The following WDR48 variants were observed in gnomAD, a reference collection of about 807,000 sequenced individuals.
The protein encoded by WDR48 is WD repeat domain 48, also known as WD repeat-containing protein 48.
A neutral mutation model predicts 94.0 loss-of-function variants in WDR48; 22 were observed. That is an observed-to-expected ratio of 0.23 (90% confidence interval 0.17 to 0.33). WDR48 has a LOEUF of 0.33. WDR48 is among the 10% of genes least tolerant of loss of function. The pLI is 1.00. For synonymous variants in WDR48, 278 were observed against 280.5 expected, an observed-to-expected ratio of 0.99 and a Z score of 0.09; for missense variants, 541 against 813.8, an observed-to-expected ratio of 0.66 and a Z score of 4.08.
At chr3:39,069,779 C>G (rs2033822949) in intron 7 of WDR48, 35 bp downstream of exon 7, 1 of 1,573,362 alleles carries the variant, frequency 6.4e-7, no homozygotes, top group Non-Finnish European at 8.7e-7. Flanking sequence ...ACCTAATAAC[C>G]TTGTTAGAAA....
chr3:39,083,997 G>A (rs2034672532), intron 11 of WDR48, among the ~76,000 whole-genome samples, 158 bp from the exon 12 acceptor site: 1 of 152,118 alleles, frequency 6.6e-6, no homozygotes, highest in African/African-American at 2.4e-5. Flanking sequence ...TATAGCAGCA[G>A]ATTGTTATTT....
At chr3:39,058,967 C>T (rs1019610191) in intron 1 of WDR48, among the ~76,000 whole-genome samples, 1 of 150,418 alleles carries the variant, frequency 6.6e-6, no homozygotes, top group African/African-American at 2.5e-5. Flanking sequence ...CTAAGCTACT[C>T]GGGAGCCTGA....
At chr3:39,052,196 C>T (rs1435527277) in intron 1 of WDR48, 123 bp downstream of exon 1, 1 of 1,223,382 alleles carries the variant, frequency 8.2e-7, no homozygotes, top group African/African-American at 1.6e-5. Flanking sequence ...GGGCGGGGCG[C>T]GGCCGGCCAC....
intron 17 of WDR48, among the ~76,000 whole-genome samples, chr3:39,093,426 G>A (rs974659562): frequency 2.0e-5 from 3 of 152,154 alleles, no homozygotes; most frequent in Admixed American, 6.5e-5. Flanking sequence ...GTGCAGTGGC[G>A]TATCTTGGCT....
chr3:39,052,020 T>A lies in WDR48; in HGVS notation c.-6T>A, dbSNP rs1284084464. ...CGGAAGTGACGTCGGAGTGTCAACA[T>A]GCAAGATGGCGGCCCATCACCGGCA... On this transcript the variant is annotated 5_prime_UTR_variant, in exon 1 of 19. An upstream start codon of the reference 5' UTR is lost. Coordinates refer to ENST00000302313, the MANE Select transcript of WDR48 (RefSeq NM_020839.4). The A allele has an allele frequency of 1.9e-6, 3 of 1,613,768 alleles. No homozygotes were observed. Among genetic ancestry groups the A allele is most frequent in the Non-Finnish European group, 2.5e-6 (3 of 1,179,882 alleles).
intron 13 of WDR48, 85 bp from the exon 14 acceptor site, chr3:39,085,430 A>T: frequency 9.1e-7 from 1 of 1,096,210 alleles, no homozygotes; most frequent in South Asian, 1.3e-5. Context: ...AATATGTACA[A>T]ACTTACAATT....
chr3:39,089,442 T>G, intron 16 of WDR48, 124 bp downstream of exon 16: 1 of 761,608 alleles, frequency 1.3e-6, no homozygotes. Flanking sequence ...AATCCCCATC[T>G]GCTTCCTTGC....
chr3:39,078,055 CTTTA>C (rs2034319148), intron 9 of WDR48, 78 bp from the exon 10 acceptor site: 6 of 1,051,756 alleles, frequency 5.7e-6, no homozygotes, highest in Admixed American at 2.3e-5. Context: ...TGTTTTTTGA[CTTTA>C]TTTTTCTTGC....
At chr3:39,068,745 C>T (rs763550129) in intron 5 of WDR48, 26 bp from the exon 6 acceptor site, 57 of 1,563,592 alleles carry the variant, frequency 3.6e-5, no homozygotes, top group Non-Finnish European at 4.5e-5. Flanking sequence ...ATCTTGTTAA[C>T]ATTTAGCTCC....
intron 10 of WDR48, among the ~76,000 whole-genome samples, chr3:39,079,029 C>CAA (rs566314334): frequency 1.9e-3 from 189 of 101,278 alleles, no homozygotes; most frequent in African/African-American, 5.8e-3. Context: ...GACTCCGTCT[C>CAA]AAAAAAAAAA....
chr3:39,070,743 C>T (rs2033878782), intron 7 of WDR48, among the ~76,000 whole-genome samples: 1 of 146,196 alleles, frequency 6.8e-6, no homozygotes, highest in South Asian at 2.1e-4. Flanking sequence ...GCACAATGTG[C>T]AGGTTAGTTA....
chr3:39,064,631 A>G (rs2033485552), intron 2 of WDR48, among the ~76,000 whole-genome samples: 1 of 152,200 alleles, frequency 6.6e-6, no homozygotes, highest in Admixed American at 6.5e-5. Context: ...TTATGTGGCT[A>G]GGAAGTGACA....
chr3:39,091,290 G>T (rs185349548), intron 16 of WDR48: 34 of 168,738 alleles, frequency 2.0e-4, no homozygotes, highest in Admixed American at 9.6e-4. Context: ...TTTTTGTTTG[G>T]GCCTTTAGGT....
At chr3:39,094,219 C>T (rs1275361761) in intron 18 of WDR48, 153 bp downstream of exon 18, 2 of 1,448,928 alleles carry the variant, frequency 1.4e-6, no homozygotes, top group Non-Finnish European at 1.8e-6. Context: ...CTCCTCTTTA[C>T]TGCTGGGGAG....
Position 39,093,908 on chromosome 3 carries a change from C to A in WDR48, c.1780C>A (p.Arg594=), listed in dbSNP as rs988772523. The change falls in exon 18 of 19, where the codon CGA becomes AGA. Residue 594 remains arginine (R), a synonymous_variant. Coordinates refer to ENST00000302313, the MANE Select transcript of WDR48 (RefSeq NM_020839.4). The part of the protein sequence containing the change: ...RLSASDMLQV[R]KVMEHVYEKI... ...CTCTGCTAGTGACATGCTCCAAGTCCGAAAAGTTATGGAACATGTTTATGA... is the reference window on the plus strand; with the variant it reads ...CTCTGCTAGTGACATGCTCCAAGTCAGAAAAGTTATGGAACATGTTTATGA... 5 of 1,611,154 alleles carry A rather than the reference C, an allele frequency of 3.1e-6. No homozygotes were observed. Among genetic ancestry groups the A allele is most frequent in the Non-Finnish European group, 4.2e-6 (5 of 1,178,902 alleles).
At chr3:39,053,725 C>T (rs1461390382) in intron 1 of WDR48, among the ~76,000 whole-genome samples, 1 of 152,056 alleles carries the variant, frequency 6.6e-6, no homozygotes, top group Admixed American at 6.5e-5. Flanking sequence ...TCCCAAAATG[C>T]ATGCAATAAA....
In WDR48 at chr3:39,079,693, G is replaced by T; in HGVS notation, c.1076-18G>T. ...GTAGAAAGATTGTTTTACCAATTGT[G>T]TTTTTTTTTCCCATTAGGGGGTGCT... On this transcript the variant is annotated intron_variant, in intron 10 of 18. Transcript: ENST00000302313. The T allele has an allele frequency of 2.1e-6, 3 of 1,442,632 alleles. No individual in the cohort carries two copies. Among genetic ancestry groups the T allele is most frequent in the Non-Finnish European group, 1.9e-6 (2 of 1,070,086 alleles). The allele number at this position is 1,442,632 out of a possible 1,614,324, so 89.4% of individuals were successfully genotyped here.
intron 10 of WDR48, 62 bp from the exon 11 acceptor site, chr3:39,079,649 C>T (rs1175310215): frequency 3.2e-6 from 4 of 1,235,776 alleles, no homozygotes; most frequent in African/African-American, 3.2e-5. Context: ...ACAATTGTTA[C>T]CACACCATGA....
chr3:39,065,515 C>CA (rs911266572), intron 2 of WDR48, among the ~76,000 whole-genome samples: 1 of 150,590 alleles, frequency 6.6e-6, no homozygotes, highest in Non-Finnish European at 1.5e-5. Context: ...ATGTCACACA[C>CA]AGTGCCTAGT....
Sources: allele counts gnomAD v4.1 joint callset (sites outside exome capture counted in the v4.1 genomes callset), GRCh38; gene constraint gnomAD v4.1.1; transcripts MANE v1.5; gene names NCBI Gene and HGNC (gene_info 2026-07-23, HGNC 2026-07-21).